Variants in NUS1 observed in about 807,000 individuals in gnomAD.
NUS1 encodes NUS1 dehydrodolichyl diphosphate synthase subunit, also known as dehydrodolichyl diphosphate synthase complex subunit NUS1.
For missense variants in NUS1, 292 were observed against 382.9 expected (o/e 0.76, Z 1.98); for synonymous variants, 135 against 155.2 (o/e 0.87, Z 0.97).
At chr6:117,705,487 G>A (rs1773487678) in intron 4 of NUS1, among the ~76,000 whole-genome samples, 1 of 152,206 alleles carries the variant, frequency 6.6e-6, no homozygotes, top group African/African-American at 2.4e-5. Context: ...TATGAAGCAC[G>A]TAACAGGCTC....
At chr6:117,698,571 T>A (rs1306533017) in intron 3 of NUS1, among the ~76,000 whole-genome samples, 1 of 152,034 alleles carries the variant, frequency 6.6e-6, no homozygotes, top group African/African-American at 2.4e-5. Flanking sequence ...GATGGCTTCA[T>A]TGCTGGATTC....
intron 3 of NUS1, among the ~76,000 whole-genome samples, chr6:117,701,212 G>C (rs1297810448): frequency 6.7e-6 from 1 of 149,344 alleles, no homozygotes; most frequent in African/African-American, 2.5e-5. Flanking sequence ...CATGATCATA[G>C]TATATTTCTC....
intron 1 of NUS1, among the ~76,000 whole-genome samples, chr6:117,679,205 A>G (rs150128022): frequency 6.6e-6 from 1 of 152,318 alleles, no homozygotes; most frequent in Non-Finnish European, 1.5e-5. Flanking sequence ...GGAGCGAAAA[A>G]TGGAAAATTT....
At chr6:117,706,894 T>C (rs1773508496) in intron 4 of NUS1, 31 bp from the exon 5 acceptor site, 1 of 1,564,140 alleles carries the variant, frequency 6.4e-7, no homozygotes, top group Non-Finnish European at 8.8e-7. Context: ...GTATATCTAA[T>C]TGCTTTTCTC....
At chr6:117,685,232 G>A (rs753448503) in intron 1 of NUS1, among the ~76,000 whole-genome samples, 35 of 152,006 alleles carry the variant, frequency 2.3e-4, no homozygotes, top group Non-Finnish European at 3.7e-4. Context: ...CTTCTTTCAC[G>A]GAAGTTGAAG....
At chr6:117,677,871 G>T (rs923410346) in intron 1 of NUS1, among the ~76,000 whole-genome samples, 8 of 152,222 alleles carry the variant, frequency 5.3e-5, no homozygotes, top group Admixed American at 5.2e-4. Flanking sequence ...AAAAAAATAG[G>T]TGAAGCAAAA....
chr6:117,700,961 T>G (rs1773396922), intron 3 of NUS1, among the ~76,000 whole-genome samples: 1 of 149,974 alleles, frequency 6.7e-6, no homozygotes, highest in South Asian at 2.1e-4. Context: ...GGAAAGATAA[T>G]GGGGGAGTGA....
At chr6:117,704,027 A>G (rs375130576) in intron 4 of NUS1, among the ~76,000 whole-genome samples, 5 of 152,158 alleles carry the variant, frequency 3.3e-5, no homozygotes, top group African/African-American at 9.7e-5. Context: ...GAAGGGGGGA[A>G]AAAGAAAACC....
At chr6:117,678,226 C>T (rs373641509) in intron 1 of NUS1, among the ~76,000 whole-genome samples, 2 of 152,160 alleles carry the variant, frequency 1.3e-5, no homozygotes, top group African/African-American at 4.8e-5. Context: ...GATTTTGTAT[C>T]TTAACTGTAA....
chr6:117,691,558 G>GATATAGATATATATATATATAT (rs1554201816), intron 1 of NUS1, among the ~76,000 whole-genome samples: 1 of 136,980 alleles, frequency 7.3e-6, no homozygotes, highest in Non-Finnish European at 1.6e-5. Context: ...CATAGATATA[G>GATATAGATATATATATATATAT]ATATATATAT....
intron 3 of NUS1, among the ~76,000 whole-genome samples, chr6:117,697,766 C>T (rs1299235877): frequency 6.6e-6 from 1 of 152,000 alleles, no homozygotes; most frequent in Non-Finnish European, 1.5e-5. Flanking sequence ...GACAGAAAAT[C>T]AACAAGAAAC....
intron 1 of NUS1, among the ~76,000 whole-genome samples, chr6:117,676,827 G>T (rs913004671): frequency 2.0e-5 from 3 of 152,290 alleles, no homozygotes; most frequent in African/African-American, 4.8e-5. Context: ...GCTTCCAGGC[G>T]CTGTTCTTAA....
chr6:117,707,264 A>G lies in NUS1; in HGVS notation c.*249A>G, dbSNP rs1156302503. On this transcript the variant is annotated 3_prime_UTR_variant, in exon 5 of 5. Transcript: ENST00000368494. Reference sequence around the variant, plus strand: ...GGGGACGTATTGGAGAAGGAAATACATAGACCTACAACTTTGAGCAAATAG... The same window carrying G: ...GGGGACGTATTGGAGAAGGAAATACGTAGACCTACAACTTTGAGCAAATAG... 3 of 397,412 alleles carry G rather than the reference A, an allele frequency of 7.5e-6. No individual in the cohort carries two copies. Among genetic ancestry groups the G allele is most frequent in the Non-Finnish European group, 1.4e-5 (3 of 210,112 alleles). 24.6% of individuals were successfully genotyped at this position (397,412 alleles called of 1,614,324 possible).
chr6:117,688,472 A>G (rs1438448697), intron 1 of NUS1, among the ~76,000 whole-genome samples: 3 of 151,484 alleles, frequency 2.0e-5, no homozygotes, highest in South Asian at 4.2e-4. Flanking sequence ...TAAATTATAA[A>G]CCACTTTATA....
intron 1 of NUS1, among the ~76,000 whole-genome samples, chr6:117,682,184 G>T (rs898326107): frequency 6.6e-6 from 1 of 152,124 alleles, no homozygotes; most frequent in Admixed American, 6.5e-5. Flanking sequence ...AGCCTCTCTC[G>T]ACTGTTCCAT....
At chr6:117,702,589 A>G (rs1187055223) in intron 3 of NUS1, among the ~76,000 whole-genome samples, 3 of 152,160 alleles carry the variant, frequency 2.0e-5, no homozygotes, top group Non-Finnish European at 4.4e-5. Flanking sequence ...CACCCTCTTT[A>G]CATCACTATT....
chr6:117,686,032 C>T (rs1046870836), intron 1 of NUS1, among the ~76,000 whole-genome samples: 1 of 150,768 alleles, frequency 6.6e-6, no homozygotes, highest in Non-Finnish European at 1.5e-5. Context: ...GAGGCTGAGG[C>T]GGGCGGATCA....
chr6:117,704,192 G>A (rs1773469078), intron 4 of NUS1, among the ~76,000 whole-genome samples: 1 of 152,240 alleles, frequency 6.6e-6, no homozygotes, highest in South Asian at 2.1e-4. Context: ...CAGGCAATAG[G>A]AAACGTGTTG....
intron 1 of NUS1, among the ~76,000 whole-genome samples, chr6:117,685,115 C>G (rs1773117596): frequency 6.6e-6 from 1 of 152,148 alleles, no homozygotes; most frequent in African/African-American, 2.4e-5. Flanking sequence ...TTCTTAGAAT[C>G]TAAAATGAAG....
Sources: gnomAD v4.1 joint callset for allele counts (sites outside exome capture counted in the v4.1 genomes callset) on GRCh38, gnomAD v4.1.1 for gene constraint, MANE v1.5 for transcripts, NCBI Gene and HGNC (gene_info 2026-07-23, HGNC 2026-07-21) for gene names.